SFMBT2: variants seen among roughly 807,000 people sequenced by gnomAD.
SFMBT2 encodes the protein scm-like with four MBT domains protein 2.
In SFMBT2, 38 loss-of-function variants were observed where a neutral mutation model predicts 110.1. That is an observed-to-expected ratio of 0.35 (90% CI 0.27 to 0.45). The LOEUF (loss-of-function observed/expected upper bound fraction) is 0.45, where lower values mean the gene tolerates loss of function less well. Ranked by LOEUF, SFMBT2 falls within the 20% of genes least tolerant of loss-of-function variation. The pLI, the probability that SFMBT2 is intolerant of heterozygous loss-of-function variation, is 1.00. For missense variants in SFMBT2, 1,011 were observed against 1,094.9 expected (o/e 0.92, Z 1.08); for synonymous variants, 425 against 425.4 (o/e 1.00, Z 0.01).
intron 10 of SFMBT2, among the ~76,000 whole-genome samples, chr10:7,222,045 T>TA (rs1789937605): frequency 6.6e-6 from 1 of 152,260 alleles, no homozygotes; most frequent in African/African-American, 2.4e-5. Context: ...CTATAGTTCT[T>TA]AAACTTTAGG....
At chr10:7,349,286 T>C (rs1844224022) in intron 4 of SFMBT2, among the ~76,000 whole-genome samples, 1 of 151,990 alleles carries the variant, frequency 6.6e-6, no homozygotes, top group Admixed American at 6.5e-5. Context: ...ACTGCCCAAC[T>C]CTACAGCCCC....
At chr10:7,386,994 T>C (rs1375168164) in intron 1 of SFMBT2, among the ~76,000 whole-genome samples, 1 of 152,182 alleles carries the variant, frequency 6.6e-6, no homozygotes, top group Non-Finnish European at 1.5e-5. Context: ...ACCAGTCAAT[T>C]ACAGTTCCCT....
At chr10:7,296,634 T>C (rs1325401653) in intron 4 of SFMBT2, among the ~76,000 whole-genome samples, 1 of 152,252 alleles carries the variant, frequency 6.6e-6, no homozygotes, top group East Asian at 1.9e-4. Context: ...GTTGGCCTCT[T>C]GTTCAACAGT....
Position 7,367,578 on chromosome 10 carries a change from C to T in SFMBT2, c.436+71G>A. The T allele has an allele frequency of 1.3e-6, 2 of 1,558,636 alleles. No individual in the cohort carries two copies. Among genetic ancestry groups the T allele is most frequent in the Non-Finnish European group, 1.7e-6 (2 of 1,154,880 alleles). On this transcript the variant is annotated intron_variant, in intron 4 of 20. Transcript: ENST00000397167. The surrounding 1 kb of genome is among the most constrained non-coding windows in gnomAD (Gnocchi z 6.2). Reference sequence around the variant, plus strand: ...GGGATTCTACGCAAGGTTCTCTCTGCTCCTTGCAAAATTACAGGCGTCATG... The same window carrying T: ...GGGATTCTACGCAAGGTTCTCTCTGTTCCTTGCAAAATTACAGGCGTCATG...
chr10:7,330,627 T>A (rs902488637), intron 4 of SFMBT2, among the ~76,000 whole-genome samples: 6 of 152,158 alleles, frequency 3.9e-5, no homozygotes, highest in Non-Finnish European at 4.4e-5. Flanking sequence ...CCACCTTAGC[T>A]AAAGCAGTTC....
intron 9 of SFMBT2, among the ~76,000 whole-genome samples, chr10:7,236,322 A>G (rs898819941): frequency 2.0e-5 from 3 of 152,192 alleles, no homozygotes; most frequent in Non-Finnish European, 2.9e-5. Flanking sequence ...ATGTACAAGA[A>G]TGGCCTGCCA....
At chr10:7,314,573 T>A (rs1388316536) in intron 4 of SFMBT2, among the ~76,000 whole-genome samples, 1 of 152,128 alleles carries the variant, frequency 6.6e-6, no homozygotes, top group Non-Finnish European at 1.5e-5. Context: ...TGACTATAGC[T>A]CTTTGGAAGG....
intron 11 of SFMBT2, among the ~76,000 whole-genome samples, chr10:7,215,386 G>A (rs1297985521): frequency 4.6e-5 from 7 of 152,212 alleles, no homozygotes; most frequent in Non-Finnish European, 1.5e-5. Context: ...GGTGACAAGA[G>A]CAAGACCCTG....
In SFMBT2 at chr10:7,186,298, C is replaced by T. The variant is rs193029634; in HGVS notation, c.1808+2326G>A. On this transcript the variant is annotated intron_variant, in intron 16 of 20. Coordinates refer to ENST00000397167, the MANE Select transcript of SFMBT2 (RefSeq NM_001387889.1). ...CACTGCCCTAGGGATAATCTCACAT[C>T]CTCTCTTCCTGAAAACAGTCTTTAT... 4.2e-3 allele frequency among the ~76,000 whole-genome samples: 642 copies of T among 151,966 alleles called. 4 individuals carry two copies. Among genetic ancestry groups the T allele is most frequent in the Middle Eastern group, 0.01 (3 of 292 alleles).
At position 7,175,977 on chromosome 10, in the gene SFMBT2, T is replaced by C. The variant is rs766621275; in HGVS notation, c.1984+13A>G. ...TGGGCTCATGCATTTCTTTTTTCAT[T>C]ATTTGTACTTACTGTATTTGGTTTT... is the stretch of plus-strand genomic sequence containing the variant. On this transcript the variant is annotated intron_variant, in intron 17 of 20. Coordinates refer to ENST00000397167, the MANE Select transcript of SFMBT2 (RefSeq NM_001387889.1). 1 of 1,605,396 alleles carries C rather than the reference T, an allele frequency of 6.2e-7. No individual in the cohort carries two copies. Among genetic ancestry groups the C allele is most frequent in the South Asian group, 1.1e-5 (1 of 90,582 alleles).
At chr10:7,401,619 G>A (rs1321654952) in intron 1 of SFMBT2, among the ~76,000 whole-genome samples, 3 of 152,252 alleles carry the variant, frequency 2.0e-5, no homozygotes, top group East Asian at 3.9e-4. Context: ...CATGAACTCT[G>A]CCCTCTGGTT....
At chr10:7,185,997 G>C (rs1449131584) in intron 16 of SFMBT2, among the ~76,000 whole-genome samples, 1 of 152,028 alleles carries the variant, frequency 6.6e-6, no homozygotes, top group African/African-American at 2.4e-5. Flanking sequence ...ATAAAAGCTA[G>C]CAAATTTTTG....
intron 13 of SFMBT2, chr10:7,200,961 T>C: frequency 3.6e-6 from 2 of 551,004 alleles, no homozygotes; most frequent in Non-Finnish European, 4.6e-6. Context: ...TAAAAGAAAA[T>C]CTATAAACTG....
At chr10:7,306,239 G>C (rs1017922387) in intron 4 of SFMBT2, among the ~76,000 whole-genome samples, 1 of 152,238 alleles carries the variant, frequency 6.6e-6, no homozygotes. Context: ...TGAACTGTGC[G>C]TGGCTTTCAG....
chr10:7,170,068 T>C lies in SFMBT2; in HGVS notation c.2544+860A>G, dbSNP rs1837825735. ...AGGTGGATACACTGTTCCCTCCTTC[T>C]CCCACTAGGCCTAAGTAAGATCCAT... On this transcript the variant is annotated intron_variant, in intron 20 of 20. Coordinates refer to ENST00000397167, the MANE Select transcript of SFMBT2 (RefSeq NM_001387889.1). The surrounding 1 kb of genome is among the most constrained non-coding windows in gnomAD (Gnocchi z 4.6). Among the ~76,000 whole-genome samples the C allele has an allele frequency of 6.6e-6, 1 of 152,134 alleles. No individual in the cohort carries two copies. Among genetic ancestry groups the C allele is most frequent in the South Asian group, 2.1e-4 (1 of 4,830 alleles).
chr10:7,343,575 A>G (rs377317250), intron 4 of SFMBT2, among the ~76,000 whole-genome samples: 5 of 152,100 alleles, frequency 3.3e-5, no homozygotes, highest in African/African-American at 1.2e-4. Context: ...TTCTTAGAAT[A>G]GCCACTCTGA....
At chr10:7,167,362 A>G (rs1837724245) in intron 20 of SFMBT2, among the ~76,000 whole-genome samples, 1 of 152,230 alleles carries the variant, frequency 6.6e-6, no homozygotes, top group Non-Finnish European at 1.5e-5. Flanking sequence ...ATTATGGAGT[A>G]TAGATTTTTT....
chr10:7,189,101 T>C, intron 15 of SFMBT2: 1 of 942,496 alleles, frequency 1.1e-6, no homozygotes, highest in Non-Finnish European at 1.3e-6. Context: ...ACTGAGAATT[T>C]CATTCTATTT....
At chr10:7,259,903 C>G (rs1226789105) in intron 7 of SFMBT2, among the ~76,000 whole-genome samples, 1 of 152,198 alleles carries the variant, frequency 6.6e-6, no homozygotes, top group South Asian at 2.1e-4. Context: ...ACTGCAGACC[C>G]GGTGCTGCCA....
Sources: gnomAD v4.1 joint callset for allele counts (sites outside exome capture counted in the v4.1 genomes callset) on GRCh38, gnomAD v4.1.1 for gene constraint, Gnocchi (gnomAD v3.1) non-coding constraint, MANE v1.5 for transcripts, NCBI Gene and HGNC (gene_info 2026-07-23, HGNC 2026-07-21) for gene names.